DIAPH2: variants seen among roughly 807,000 people sequenced by gnomAD.
The protein encoded by DIAPH2 is protein diaphanous homolog 2.
Under a neutral mutation model 92.7 loss-of-function variants are expected in DIAPH2, and 35 were observed. The observed-to-expected ratio is 0.38, with a 90% CI of 0.29 to 0.50. The LOEUF is 0.50. DIAPH2 is among the 20% of genes least tolerant of loss of function. The probability of loss-of-function intolerance (pLI) is 0.94; values close to 1 mark genes in which losing one functional copy is unlikely to be tolerated. For synonymous variants in DIAPH2, 301 were observed against 280.4 expected (o/e 1.07, Z -0.73); for missense variants, 701 against 819.5 (o/e 0.86, Z 1.77).
intron 4 of DIAPH2, among the ~76,000 whole-genome samples, chrX:96,868,251 A>G (rs183981452): frequency 6.6e-4 from 74 of 112,392 alleles, no homozygotes; most frequent in African/African-American, 2.2e-3. Context: ...TCCTGGTAAC[A>G]GTGTGAATAT....
At chrX:97,153,878 A>G (rs2067303635) in intron 22 of DIAPH2, among the ~76,000 whole-genome samples, 1 of 111,283 alleles carries the variant, frequency 9.0e-6, no homozygotes. Context: ...CTTAGCATGT[A>G]TAAACATGGA....
chrX:97,177,338 C>CA (rs1402032751), intron 22 of DIAPH2, among the ~76,000 whole-genome samples: 1 of 111,367 alleles, frequency 9.0e-6, no homozygotes, highest in Non-Finnish European at 1.9e-5. Flanking sequence ...TAGCACATGG[C>CA]AAAAAAAGTG....
chrX:96,859,931 A>G (rs1371674287), intron 4 of DIAPH2, among the ~76,000 whole-genome samples: 2 of 111,818 alleles, frequency 1.8e-5, no homozygotes, highest in Non-Finnish European at 3.8e-5. Context: ...GTGAGCCACC[A>G]TGCCCGCCCT....
At chrX:97,534,169 T>G (rs1462339887) in intron 26 of DIAPH2, among the ~76,000 whole-genome samples, 1 of 111,854 alleles carries the variant, frequency 8.9e-6, no homozygotes, top group African/African-American at 3.2e-5. Context: ...TTTAGTTTTC[T>G]GGAATTTGTT....
chrX:97,304,449 G>A (rs2068730333), intron 23 of DIAPH2, among the ~76,000 whole-genome samples: 1 of 112,493 alleles, frequency 8.9e-6, no homozygotes, highest in Non-Finnish European at 1.9e-5. Flanking sequence ...AGAACCTCAT[G>A]TTACAACATA....
intron 3 of DIAPH2, among the ~76,000 whole-genome samples, chrX:96,757,705 CATATT>C (rs1382724219): frequency 9.0e-6 from 1 of 111,406 alleles, no homozygotes; most frequent in Non-Finnish European, 1.9e-5. Flanking sequence ...TCTTCAGTGA[CATATT>C]ATAGATATAT....
In DIAPH2 at chrX:97,412,793, A is replaced by G. The variant is rs779646672; in HGVS notation, c.3146-16857A>G. On this transcript the variant is annotated intron_variant, in intron 25 of 26. Coordinates refer to ENST00000324765, the MANE Select transcript of DIAPH2 (RefSeq NM_006729.5). ...ATAAACACCTCTATGCAAATAAACT[A>G]GAAAATCTAGAAGAAATGGATAAAT... Among the ~76,000 whole-genome samples the G allele has an allele frequency of 2.7e-5, 3 of 112,430 alleles. No homozygotes were observed. In the South Asian group the frequency reaches 1.1e-3, roughly 41 times the overall value.
intron 1 of DIAPH2, among the ~76,000 whole-genome samples, chrX:96,717,872 T>A (rs5949987): frequency 1.0e-3 from 97 of 92,516 alleles, no homozygotes; most frequent in Non-Finnish European, 1.9e-3. Context: ...ACATGAGATA[T>A]TTTGATACAG....
At chrX:97,089,450 A>T (rs2066806869) in intron 19 of DIAPH2, among the ~76,000 whole-genome samples, 1 of 112,064 alleles carries the variant, frequency 8.9e-6, no homozygotes, top group Non-Finnish European at 1.9e-5. Context: ...GTGACTGCTT[A>T]GAGTGGGACT....
chrX:96,911,007 AAG>A (rs1219341048), intron 5 of DIAPH2, among the ~76,000 whole-genome samples: 1 of 111,536 alleles, frequency 9.0e-6, no homozygotes, highest in Non-Finnish European at 1.9e-5. Context: ...TCTGGGAAGA[AAG>A]AATAAATGAG....
At chrX:97,367,205 G>A (rs909633595) in intron 24 of DIAPH2, among the ~76,000 whole-genome samples, 16 of 111,775 alleles carry the variant, frequency 1.4e-4, no homozygotes, top group African/African-American at 5.2e-4. Flanking sequence ...ACCCAGGGAG[G>A]AGGGAGGTAA....
chrX:96,868,589 A>C (rs1179228910), intron 4 of DIAPH2, among the ~76,000 whole-genome samples: 1 of 111,661 alleles, frequency 9.0e-6, no homozygotes, highest in Non-Finnish European at 1.9e-5. Context: ...GCATAGAGTC[A>C]AGTCCTTTAA....
chrX:97,185,468 TATACAC>T (rs1569323351), intron 22 of DIAPH2, among the ~76,000 whole-genome samples: 14 of 35,409 alleles, frequency 4.0e-4, no homozygotes, highest in African/African-American at 1.6e-3. Context: ...TATATATATA[TATACAC>T]ATATATATAT....
At chrX:97,441,928 A>C (rs1479955905) in intron 26 of DIAPH2, 1 of 113,509 alleles carries the variant, frequency 8.8e-6, no homozygotes, top group East Asian at 2.7e-4. Context: ...ATTGCTATGT[A>C]GTCTATCCTT....
chrX:97,441,484 T>C (rs1410172298), intron 26 of DIAPH2, among the ~76,000 whole-genome samples: 1 of 111,640 alleles, frequency 9.0e-6, no homozygotes, highest in East Asian at 2.8e-4. Flanking sequence ...GTAATTTTTG[T>C]TTGTTTCCAT....
intron 23 of DIAPH2, among the ~76,000 whole-genome samples, chrX:97,267,430 G>A (rs1197275751): frequency 9.0e-6 from 1 of 111,360 alleles, no homozygotes; most frequent in Admixed American, 9.6e-5. Context: ...AACCCTTTAA[G>A]AAACAGTCAG....
intron 22 of DIAPH2, among the ~76,000 whole-genome samples, chrX:97,204,385 C>A (rs1169162743): frequency 8.9e-6 from 1 of 111,787 alleles, no homozygotes; most frequent in Non-Finnish European, 1.9e-5. Context: ...GTCAAATTGT[C>A]TTTGTTTGCA....
chrX:97,107,755 G>GA (rs1180877890), intron 20 of DIAPH2, among the ~76,000 whole-genome samples: 28 of 111,667 alleles, frequency 2.5e-4, no homozygotes, highest in Middle Eastern at 4.7e-3. Context: ...TAACTATTTG[G>GA]AAAAAATACC....
intron 26 of DIAPH2, among the ~76,000 whole-genome samples, chrX:97,537,216 G>A (rs1394969544): frequency 9.0e-6 from 1 of 111,480 alleles, no homozygotes. Context: ...AGATGGAAAA[G>A]CATGCAATGT....
Sources: gnomAD v4.1 joint callset for allele counts (sites outside exome capture counted in the v4.1 genomes callset) on GRCh38, gnomAD v4.1.1 for gene constraint, MANE v1.5 for transcripts, NCBI Gene and HGNC (gene_info 2026-07-23, HGNC 2026-07-21) for gene names.